FBXW11: variants seen among roughly 807,000 people sequenced by gnomAD.
FBXW11 encodes the protein F-box/WD repeat-containing protein 11.
A neutral mutation model predicts 77.6 loss-of-function variants in FBXW11; 19 were observed. The ratio of observed to expected loss-of-function variants is 0.24; its 90% CI spans 0.17 to 0.36. FBXW11 has a LOEUF of 0.36. Among genes scored for constraint, FBXW11 ranks in the 10% least tolerant of loss-of-function variants. The pLI is 1.00. For synonymous variants in FBXW11, 235 were observed against 249.4 expected, an observed-to-expected ratio of 0.94 and a Z score of 0.54; for missense variants, 334 against 704.2, an observed-to-expected ratio of 0.47 and a Z score of 5.95.
chr5:171,941,276 A>G (rs1284157365), intron 2 of FBXW11, among the ~76,000 whole-genome samples: 1 of 152,226 alleles, frequency 6.6e-6, no homozygotes, highest in African/African-American at 2.4e-5. Context: ...ATTTAAACTA[A>G]ATCTAACCAT....
At chr5:171,997,223 C>A (rs1766107348) in intron 1 of FBXW11, among the ~76,000 whole-genome samples, 1 of 152,176 alleles carries the variant, frequency 6.6e-6, no homozygotes, top group Non-Finnish European at 1.5e-5. Flanking sequence ...GCATTCCTCA[C>A]CTCTGTGTTG....
At position 171,888,850 on chromosome 5, in the gene FBXW11, AG is replaced by A. The variant is rs149194684; in HGVS notation, c.852+2616del. ...AAGAGAGAATTCTCAGCAGAGAAATAGAAACTGTAAAATATCATACCTGAAA... is the reference window on the plus strand; with the variant it reads ...AAGAGAGAATTCTCAGCAGAGAAATAAAACTGTAAAATATCATACCTGAAA... On this transcript the variant is annotated intron_variant, in intron 7 of 13. Transcript: ENST00000517395. Among the ~76,000 whole-genome samples, 525 of 152,358 alleles carry A rather than the reference AG, an allele frequency of 3.4e-3. 1 individual carries two copies. Among genetic ancestry groups the A allele is most frequent in the African/African-American group, 0.012 (514 of 41,586 alleles).
chr5:171,904,714 GGC>G lies in FBXW11; in HGVS notation c.437-4616_437-4615del, dbSNP rs571974517. Among the ~76,000 whole-genome samples, 19 of 152,044 alleles carry G rather than the reference GGC, an allele frequency of 1.2e-4. No homozygotes were observed. The highest frequency in any genetic ancestry group is 2.5e-4 in the Non-Finnish European group (17 of 68,000). ...AGCCTCCCGAGTAGCTGGGACTACA[GGC>G]GCACACCACCATGCCCAGGTAATTT... On this transcript the variant is annotated intron_variant, in intron 4 of 13. Coordinates refer to ENST00000517395, the MANE Select transcript of FBXW11 (RefSeq NM_001378974.1). The surrounding 1 kb of genome is among the most constrained non-coding windows in gnomAD (Gnocchi z 4.0).
chr5:171,904,080 T>C lies in FBXW11; in HGVS notation c.437-3980A>G, dbSNP rs1456189446. On this transcript the variant is annotated intron_variant, in intron 4 of 13. Coordinates refer to ENST00000517395, the MANE Select transcript of FBXW11 (RefSeq NM_001378974.1). This position sits in a 1 kb window ranked among gnomAD's most constrained non-coding sequence, Gnocchi z 4.0. ...GGGAGGCCAAGATGGGCAGATCGCT[T>C]GAGTCCAGGAGTTTGAGACCAGCCT... Among the ~76,000 whole-genome samples, 1 of 152,148 alleles carries C rather than the reference T, an allele frequency of 6.6e-6. No homozygotes were observed. Among genetic ancestry groups the C allele is most frequent in the African/African-American group, 2.4e-5 (1 of 41,444 alleles).
At chr5:171,967,370 CTA>C (rs1764245945) in intron 1 of FBXW11, among the ~76,000 whole-genome samples, 2 of 152,132 alleles carry the variant, frequency 1.3e-5, no homozygotes, top group Non-Finnish European at 2.9e-5. Context: ...ATAAGACAAA[CTA>C]TTGTGTTTCT....
intron 2 of FBXW11, among the ~76,000 whole-genome samples, chr5:171,923,234 AATT>A (rs1181281173): frequency 6.6e-6 from 1 of 152,126 alleles, no homozygotes; most frequent in Admixed American, 6.5e-5. Context: ...GCTTTTAATC[AATT>A]TTTAGTTAGA....
chr5:171,990,686 T>C (rs938755589), intron 1 of FBXW11, among the ~76,000 whole-genome samples: 1 of 152,144 alleles, frequency 6.6e-6, no homozygotes, highest in African/African-American at 2.4e-5. Context: ...CTTTGGGAAC[T>C]GATATGAAAG....
At chr5:171,892,730 T>C (rs922820022) in intron 6 of FBXW11, among the ~76,000 whole-genome samples, 1 of 152,196 alleles carries the variant, frequency 6.6e-6, no homozygotes, top group African/African-American at 2.4e-5. Flanking sequence ...GCTCAAAAGA[T>C]ACAATGTCTC....
intron 6 of FBXW11, among the ~76,000 whole-genome samples, chr5:171,897,984 C>G (rs1759862248): frequency 6.6e-6 from 1 of 152,142 alleles, no homozygotes; most frequent in African/African-American, 2.4e-5. Flanking sequence ...TATGATTTAT[C>G]TAGTGAAAGT....
intron 1 of FBXW11, among the ~76,000 whole-genome samples, chr5:171,985,411 G>A (rs1405087811): frequency 6.6e-6 from 1 of 151,994 alleles, no homozygotes; most frequent in African/African-American, 2.4e-5. Flanking sequence ...GATTGCTTGA[G>A]GCCAGGAGTT....
intron 2 of FBXW11, among the ~76,000 whole-genome samples, chr5:171,926,947 TAA>T (rs1761921569): frequency 6.6e-6 from 1 of 152,108 alleles, no homozygotes; most frequent in Non-Finnish European, 1.5e-5. Flanking sequence ...GTCTTTTAAA[TAA>T]AAGACTCTAT....
intron 2 of FBXW11, among the ~76,000 whole-genome samples, chr5:171,933,597 G>GA (rs1762329109): frequency 6.6e-6 from 1 of 152,092 alleles, no homozygotes; most frequent in African/African-American, 2.4e-5. Context: ...GTGTGTATGT[G>GA]GGTAGAAGGG....
intron 1 of FBXW11, among the ~76,000 whole-genome samples, chr5:171,968,140 AGCAGGTAGGGTT>A (rs1171647405): frequency 3.3e-5 from 5 of 152,004 alleles, no homozygotes; most frequent in African/African-American, 9.7e-5. Context: ...GAAGGTGGAG[AGCAGGTAGGGTT>A]AGGACAGCTA....
intron 9 of FBXW11, among the ~76,000 whole-genome samples, chr5:171,874,015 T>C (rs1019320238): frequency 4.6e-5 from 7 of 152,152 alleles, no homozygotes; most frequent in Non-Finnish European, 7.4e-5. Context: ...TCTTGATAAA[T>C]TGAACATCAT....
intron 2 of FBXW11, among the ~76,000 whole-genome samples, chr5:171,931,860 C>T (rs13161519): frequency 4.8e-4 from 3 of 6,274 alleles, no homozygotes; most frequent in Non-Finnish European, 8.5e-4. Flanking sequence ...TCCCTCCCTC[C>T]CTCTCTCTCT....
At chr5:171,938,443 A>T (rs922442825) in intron 2 of FBXW11, among the ~76,000 whole-genome samples, 5 of 152,224 alleles carry the variant, frequency 3.3e-5, no homozygotes, top group African/African-American at 1.2e-4. Flanking sequence ...AAGAGATGCA[A>T]ATTAAAGCTA....
intron 3 of FBXW11, among the ~76,000 whole-genome samples, chr5:171,913,698 A>C (rs560132383): frequency 6.6e-6 from 1 of 152,234 alleles, no homozygotes; most frequent in South Asian, 2.1e-4. Flanking sequence ...CTTCAGATTT[A>C]GATTTGTTTT....
intron 1 of FBXW11, among the ~76,000 whole-genome samples, chr5:172,003,871 T>C (rs1766566649): frequency 6.6e-6 from 1 of 152,222 alleles, no homozygotes; most frequent in African/African-American, 2.4e-5. Flanking sequence ...TTTCCTCTTT[T>C]TAATACAGCA....
intron 1 of FBXW11, among the ~76,000 whole-genome samples, chr5:171,989,216 T>C (rs993817807): frequency 6.6e-5 from 10 of 152,164 alleles, no homozygotes; most frequent in Admixed American, 6.5e-4. Flanking sequence ...GCAACCCCTA[T>C]TGTAATAACC....
Sources: allele counts gnomAD v4.1 joint callset (sites outside exome capture counted in the v4.1 genomes callset), GRCh38; gene constraint gnomAD v4.1.1; non-coding constraint Gnocchi (gnomAD v3.1); transcripts MANE v1.5; gene names NCBI Gene and HGNC (gene_info 2026-07-23, HGNC 2026-07-21).